The following FAM171A1 variants were observed in gnomAD, a reference collection of about 807,000 sequenced individuals.
FAM171A1 encodes the protein family with sequence similarity 171 member A1, also known as protein FAM171A1.
FAM171A1 carries 23 observed loss-of-function variants against 74.9 expected under a neutral mutation model. The ratio of observed to expected loss-of-function variants is 0.31; its 90% CI spans 0.22 to 0.44. The LOEUF is 0.44. FAM171A1 is among the 20% of genes least tolerant of loss of function. FAM171A1 has a pLI of 1.00. For synonymous variants in FAM171A1, 527 were observed against 505.7 expected, an observed-to-expected ratio of 1.04 and a Z score of -0.57; for missense variants, 1,162 against 1,159.2, an observed-to-expected ratio of 1.00 and a Z score of -0.03.
chr10:15,303,365 G>A (rs911161355), intron 1 of FAM171A1, among the ~76,000 whole-genome samples: 3 of 152,218 alleles, frequency 2.0e-5, no homozygotes, highest in South Asian at 2.1e-4. Context: ...TTTGAACAGC[G>A]CAGCACCGTT....
At chr10:15,261,976 G>A (rs1027301041) in intron 3 of FAM171A1, among the ~76,000 whole-genome samples, 6 of 152,216 alleles carry the variant, frequency 3.9e-5, no homozygotes, top group Admixed American at 1.3e-4. Context: ...TTAGATGGGT[G>A]TGGTGGCGCA....
chr10:15,364,513 C>G (rs1229003785), intron 1 of FAM171A1, among the ~76,000 whole-genome samples: 1 of 152,170 alleles, frequency 6.6e-6, no homozygotes, highest in East Asian at 1.9e-4. Flanking sequence ...CACCACCATC[C>G]TGTGTGGGCG....
upstream of FAM171A1, among the ~76,000 whole-genome samples, chr10:15,372,326 A>G (rs1159312294): frequency 6.6e-6 from 1 of 152,208 alleles, no homozygotes. Flanking sequence ...CCAAAAGTGC[A>G]TACCTGGTCA....
chr10:15,269,167 G>A (rs182016745), intron 3 of FAM171A1, among the ~76,000 whole-genome samples: 5 of 152,268 alleles, frequency 3.3e-5, no homozygotes, highest in Admixed American at 3.3e-4. Flanking sequence ...AGGCTGGAGT[G>A]CAGTGATACG....
chr10:15,242,370 A>G (rs1239436359), intron 5 of FAM171A1, among the ~76,000 whole-genome samples: 1 of 152,240 alleles, frequency 6.6e-6, no homozygotes, highest in African/African-American at 2.4e-5. Context: ...TTCAGAAAAC[A>G]TTTTAATTCA....
At chr10:15,270,990 C>CAG (rs1238449150) in intron 3 of FAM171A1, among the ~76,000 whole-genome samples, 1 of 152,220 alleles carries the variant, frequency 6.6e-6, no homozygotes, top group Non-Finnish European at 1.5e-5. Flanking sequence ...AAAAGGAATG[C>CAG]AGCTCCTCGC....
At chr10:15,224,480 C>A (rs894364687) in intron 5 of FAM171A1, among the ~76,000 whole-genome samples, 2 of 152,122 alleles carry the variant, frequency 1.3e-5, no homozygotes, top group African/African-American at 4.8e-5. Flanking sequence ...TCTTCTACCC[C>A]TGATAGGGTT....
intron 1 of FAM171A1, among the ~76,000 whole-genome samples, chr10:15,352,781 G>C (rs1237944412): frequency 6.6e-6 from 1 of 152,194 alleles, no homozygotes; most frequent in Non-Finnish European, 1.5e-5. Context: ...CACTTGAATG[G>C]TTCGCTCTGC....
At chr10:15,351,964 G>C (rs1260284229) in intron 1 of FAM171A1, among the ~76,000 whole-genome samples, 1 of 151,860 alleles carries the variant, frequency 6.6e-6, no homozygotes, top group Admixed American at 6.6e-5. Flanking sequence ...AAGCTGGATG[G>C]ACCACCTGAG....
chr10:15,247,099 T>C (rs1331403901), intron 5 of FAM171A1, among the ~76,000 whole-genome samples: 3 of 152,364 alleles, frequency 2.0e-5, no homozygotes, highest in South Asian at 2.1e-4. Flanking sequence ...TTCTACAGCA[T>C]TGGTTAGAAT....
At position 15,242,998 on chromosome 10, in the gene FAM171A1, G is replaced by A. The variant is rs147976531; in HGVS notation, c.754+5641C>T. Among the ~76,000 whole-genome samples the A allele has an allele frequency of 1.8e-3, 281 of 152,222 alleles. 2 individuals are homozygous for A. The highest frequency in any genetic ancestry group is 6.5e-3 in the African/African-American group (272 of 41,536). On this transcript the variant is annotated intron_variant, in intron 5 of 7. Coordinates refer to ENST00000378116, the MANE Select transcript of FAM171A1 (RefSeq NM_001010924.2). Reference sequence around the variant, plus strand: ...AAAAAACATTACCACAAATAATAGGGTCTTAAAACAGCACAGATTTACTTT... The same window carrying A: ...AAAAAACATTACCACAAATAATAGGATCTTAAAACAGCACAGATTTACTTT...
intron 5 of FAM171A1, among the ~76,000 whole-genome samples, chr10:15,240,493 T>C (rs914027447): frequency 1.3e-5 from 2 of 152,352 alleles, no homozygotes; most frequent in East Asian, 1.9e-4. Context: ...GATCACCTTC[T>C]AATGAATATA....
At chr10:15,284,149 A>G in intron 1 of FAM171A1, 44 bp from the exon 2 acceptor site, 1 of 1,568,028 alleles carries the variant, frequency 6.4e-7, no homozygotes, top group Non-Finnish European at 8.7e-7. Context: ...GTCAATGGGA[A>G]ACATTCATAG....
At chr10:15,248,861 T>G in intron 4 of FAM171A1, 46 bp from the exon 5 acceptor site, 1 of 1,541,378 alleles carries the variant, frequency 6.5e-7, no homozygotes, top group South Asian at 1.3e-5. Flanking sequence ...AAAGTACCCA[T>G]GTGGGGCTGT....
At chr10:15,240,500 T>A (rs1834349968) in intron 5 of FAM171A1, among the ~76,000 whole-genome samples, 1 of 152,164 alleles carries the variant, frequency 6.6e-6, no homozygotes, top group Admixed American at 6.5e-5. Flanking sequence ...TTCTAATGAA[T>A]ATATAGGTTG....
At chr10:15,238,695 A>G (rs575593730) in intron 5 of FAM171A1, among the ~76,000 whole-genome samples, 4 of 152,288 alleles carry the variant, frequency 2.6e-5, no homozygotes, top group African/African-American at 9.6e-5. Flanking sequence ...AATCTACTAC[A>G]GGCCAATTGT....
At chr10:15,253,540 C>T (rs185781884) in intron 4 of FAM171A1, among the ~76,000 whole-genome samples, 3 of 152,264 alleles carry the variant, frequency 2.0e-5, no homozygotes, top group African/African-American at 7.2e-5. Context: ...AGTAACAAAT[C>T]ACCATGTTGC....
chr10:15,318,588 A>G (rs895721237), intron 1 of FAM171A1, among the ~76,000 whole-genome samples: 6 of 152,192 alleles, frequency 3.9e-5, no homozygotes, highest in Admixed American at 6.5e-5. Context: ...GCTGGTTCCC[A>G]TCAGTACGTA....
chr10:15,318,183 C>A (rs773841912), intron 1 of FAM171A1, among the ~76,000 whole-genome samples: 2 of 152,124 alleles, frequency 1.3e-5, no homozygotes, highest in African/African-American at 4.8e-5. Flanking sequence ...ATGTGACCAG[C>A]AGGAGAGGGG....
Sources: gnomAD v4.1 joint callset for allele counts (sites outside exome capture counted in the v4.1 genomes callset) on GRCh38, gnomAD v4.1.1 for gene constraint, MANE v1.5 for transcripts, NCBI Gene and HGNC (gene_info 2026-07-23, HGNC 2026-07-21) for gene names.